The following ITGA8 variants were observed in gnomAD, a reference collection of about 807,000 sequenced individuals.
The protein encoded by ITGA8 is integrin subunit alpha 8, also known as integrin alpha-8.
Under a neutral mutation model 142.3 loss-of-function variants are expected in ITGA8, and 91 were observed. The observed-to-expected ratio is 0.64, with a 90% confidence interval of 0.54 to 0.76. The LOEUF (loss-of-function observed/expected upper bound fraction) is 0.76. ITGA8 is among the 30% of genes least tolerant of loss of function. The probability of loss-of-function intolerance (pLI) is 0.00; values close to 1 mark genes in which losing one functional copy is unlikely to be tolerated. For missense variants in ITGA8, 1,406 were observed against 1,327.7 expected, an observed-to-expected ratio of 1.06 and a Z score of -0.92; for synonymous variants, 505 against 485.2, an observed-to-expected ratio of 1.04 and a Z score of -0.54.
intron 25 of ITGA8, among the ~76,000 whole-genome samples, chr10:15,565,306 T>C (rs556052102): frequency 4.7e-4 from 72 of 152,286 alleles, no homozygotes; most frequent in Non-Finnish European, 8.1e-4. Context: ...AAATTAAAAT[T>C]GACTACTGTT....
At chr10:15,542,418 A>G (rs757268651) in intron 27 of ITGA8, among the ~76,000 whole-genome samples, 1 of 152,234 alleles carries the variant, frequency 6.6e-6, no homozygotes, top group Admixed American at 6.5e-5. Flanking sequence ...ATAGCCACAC[A>G]TGACTATTAC....
chr10:15,625,866 T>C (rs866769105), intron 13 of ITGA8, among the ~76,000 whole-genome samples: 1 of 152,202 alleles, frequency 6.6e-6, no homozygotes, highest in African/African-American at 2.4e-5. Flanking sequence ...TCATTTTCTT[T>C]TCTAGCAAAG....
intron 1 of ITGA8, 82 bp from the exon 2 acceptor site, chr10:15,718,981 G>A (rs1835506361): frequency 6.3e-7 from 1 of 1,579,902 alleles, no homozygotes; most frequent in Non-Finnish European, 8.7e-7. Context: ...CCTCCTGCCC[G>A]GGGACACTGG....
At chr10:15,639,391 G>C (rs1206247828) in intron 13 of ITGA8, among the ~76,000 whole-genome samples, 3 of 152,170 alleles carry the variant, frequency 2.0e-5, no homozygotes, top group African/African-American at 7.2e-5. Context: ...CTGCGTAAAG[G>C]CACAGATCTC....
At chr10:15,523,506 C>T (rs567183829) in intron 28 of ITGA8, among the ~76,000 whole-genome samples, 2 of 152,102 alleles carry the variant, frequency 1.3e-5, no homozygotes, top group Non-Finnish European at 2.9e-5. Context: ...GAAGATGACC[C>T]CCTGCAGTGA....
chr10:15,583,714 G>A (rs951661589), intron 23 of ITGA8, among the ~76,000 whole-genome samples: 2 of 151,978 alleles, frequency 1.3e-5, no homozygotes, highest in Non-Finnish European at 2.9e-5. Context: ...GGTGGGGAAG[G>A]GTTGGCTATA....
At chr10:15,682,796 A>C (rs926854498) in intron 4 of ITGA8, among the ~76,000 whole-genome samples, 26 of 149,490 alleles carry the variant, frequency 1.7e-4, no homozygotes, top group African/African-American at 5.9e-4. Context: ...GGCTACATTG[A>C]GCCATGATCA....
intron 13 of ITGA8, among the ~76,000 whole-genome samples, chr10:15,623,829 CATCATGCCCA>C (rs1833536310): frequency 6.6e-6 from 1 of 152,184 alleles, no homozygotes; most frequent in Non-Finnish European, 1.5e-5. Context: ...AGAACAGTCC[CATCATGCCCA>C]AATGTCACCC....
intron 13 of ITGA8, among the ~76,000 whole-genome samples, chr10:15,624,447 A>G (rs1833545825): frequency 6.6e-6 from 1 of 152,198 alleles, no homozygotes; most frequent in Admixed American, 6.5e-5. Flanking sequence ...TTGATGTACA[A>G]TCCAGGACTC....
At position 15,517,035 on chromosome 10, in the gene ITGA8, GTCC is replaced by G; in HGVS notation, c.*120_*122del. On this transcript the variant is annotated 3_prime_UTR_variant, in exon 30 of 30. Coordinates refer to ENST00000378076, the MANE Select transcript of ITGA8 (RefSeq NM_003638.3). Reference sequence around the variant, plus strand: ...GTGTAGATGAGGTGATGTTTCCAGGGTCCCCTCCATTTCCTGGGTCACTGTCAG... The same window carrying G: ...GTGTAGATGAGGTGATGTTTCCAGGGCCTCCATTTCCTGGGTCACTGTCAG... 2.0e-6 allele frequency: 1 copy of G among 495,864 alleles called. No individual in the cohort carries two copies. Among genetic ancestry groups the G allele is most frequent in the Non-Finnish European group, 3.3e-6 (1 of 302,936 alleles). 30.7% of individuals were successfully genotyped at this position (495,864 alleles called of 1,614,324 possible).
intron 26 of ITGA8, 107 bp downstream of exon 26, chr10:15,557,967 C>A: frequency 7.4e-7 from 1 of 1,343,126 alleles, no homozygotes; most frequent in Non-Finnish European, 1.0e-6. Flanking sequence ...AATATCTGAG[C>A]ACTGAAGGAG....
In ITGA8 at chr10:15,694,303, T is replaced by A. The variant is rs7075736; in HGVS notation, c.344-6265A>T. Among the ~76,000 whole-genome samples, 222 of 27,454 alleles carry A rather than the reference T, an allele frequency of 8.1e-3. 4 individuals are homozygous for A. Among genetic ancestry groups the A allele is most frequent in the African/African-American group, 0.019 (207 of 10,864 alleles). The allele number at this position is 27,454 out of a possible 152,430, so 18.0% of individuals were successfully genotyped here. On this transcript the variant is annotated intron_variant, in intron 2 of 29. Transcript: ENST00000378076. Reference sequence around the variant, plus strand: ...TACATCAGATAATATATCATATATATGATAATATATCATATATATGATAAT... The same window carrying A: ...TACATCAGATAATATATCATATATAAGATAATATATCATATATATGATAAT...
rs1832949682 is a variant in ITGA8, at chr10:15,515,462, T to C, written c.*1696A>G. 1 of 152,254 alleles carries C rather than the reference T, an allele frequency of 6.6e-6. No homozygotes were observed. Among genetic ancestry groups the C allele is most frequent in the Non-Finnish European group, 1.5e-5 (1 of 68,044 alleles). 9.4% of individuals were successfully genotyped at this position (152,254 alleles called of 1,614,324 possible). A position where few individuals can be genotyped will look rare whatever the true frequency, so the allele number is the denominator to read the frequency against. On this transcript the variant is annotated 3_prime_UTR_variant, in exon 30 of 30. Coordinates refer to ENST00000378076, the MANE Select transcript of ITGA8 (RefSeq NM_003638.3). ...AATGGCTCCTCTCCAGCTTATGGCATGACATAAAATTTAGTGTCTGTGAGC... is the reference window on the plus strand; with the variant it reads ...AATGGCTCCTCTCCAGCTTATGGCACGACATAAAATTTAGTGTCTGTGAGC...
chr10:15,541,479 C>G (rs1833568390), intron 27 of ITGA8, among the ~76,000 whole-genome samples: 1 of 152,220 alleles, frequency 6.6e-6, no homozygotes, highest in South Asian at 2.1e-4. Context: ...ATATCTGCTG[C>G]TTCCTGAGCT....
intron 27 of ITGA8, among the ~76,000 whole-genome samples, chr10:15,531,657 G>C (rs1833297028): frequency 6.6e-6 from 1 of 152,130 alleles, no homozygotes; most frequent in Non-Finnish European, 1.5e-5. Context: ...AAATGTATTG[G>C]CTGGGCGCAG....
At chr10:15,597,177 A>G in intron 21 of ITGA8, 30 bp downstream of exon 21, 1 of 1,541,570 alleles carries the variant, frequency 6.5e-7, no homozygotes, top group Non-Finnish European at 9.0e-7. Context: ...GTTAGAAGGA[A>G]ATCAGTCAGT....
chr10:15,608,868 C>G (rs1244082262), intron 15 of ITGA8, among the ~76,000 whole-genome samples: 1 of 152,022 alleles, frequency 6.6e-6, no homozygotes, highest in Non-Finnish European at 1.5e-5. Context: ...AACACCCACT[C>G]TGCTTGGAAG....
intron 27 of ITGA8, among the ~76,000 whole-genome samples, chr10:15,548,098 A>ATTTTT (rs1213511861): frequency 6.8e-6 from 1 of 147,216 alleles, no homozygotes; most frequent in African/African-American, 2.5e-5. Flanking sequence ...TCAAGTTTTA[A>ATTTTT]TTTTTTTTTT....
intron 13 of ITGA8, among the ~76,000 whole-genome samples, chr10:15,643,479 C>T (rs1833906866): frequency 6.6e-6 from 1 of 152,076 alleles, no homozygotes; most frequent in Admixed American, 6.5e-5. Flanking sequence ...GGGGTTTTAC[C>T]ATGTTGGCCA....
Sources: allele counts gnomAD v4.1 joint callset (sites outside exome capture counted in the v4.1 genomes callset), GRCh38; gene constraint gnomAD v4.1.1; transcripts MANE v1.5; gene names NCBI Gene and HGNC (gene_info 2026-07-23, HGNC 2026-07-21).